TBL1X: variants seen among roughly 807,000 people sequenced by gnomAD.
TBL1X encodes F-box-like/WD repeat-containing protein TBL1X.
Under a neutral mutation model 50.7 loss-of-function variants are expected in TBL1X, and 10 were observed. The observed-to-expected ratio is 0.20, with a 90% confidence interval of 0.12 to 0.33. The LOEUF is 0.33. Ranked by LOEUF, TBL1X falls within the 10% of genes least tolerant of loss-of-function variation. The pLI is 1.00. For missense variants in TBL1X, 340 were observed against 504.4 expected, an observed-to-expected ratio of 0.67 and a Z score of 3.12; for synonymous variants, 190 against 214.7, an observed-to-expected ratio of 0.88 and a Z score of 1.01.
chrX:9,604,303 A>G (rs5978332), intron 2 of TBL1X, among the ~76,000 whole-genome samples: 3,121 of 112,405 alleles, frequency 0.028, 98 homozygotes, highest in African/African-American at 0.095. Context: ...AAAGGGCAAT[A>G]GAACCATGGC....
At chrX:9,533,246 C>T (rs184340899) in intron 2 of TBL1X, among the ~76,000 whole-genome samples, 311 of 111,480 alleles carry the variant, frequency 2.8e-3, no homozygotes, top group African/African-American at 9.8e-3. Context: ...CATAGACGAG[C>T]GCGAACTCCT....
intron 2 of TBL1X, among the ~76,000 whole-genome samples, chrX:9,607,198 A>G (rs1270386991): frequency 1.8e-5 from 2 of 112,533 alleles, no homozygotes; most frequent in Admixed American, 1.9e-4. Context: ...CCTAAGGGCA[A>G]ACGATTTTCT....
rs148991110 is a variant in TBL1X, at chrX:9,514,613, T to C, written c.-131+12764T>C. ...CTTTTGATTAATTACACACTCACAC[T>C]GCGTTGCAAACATAGTGCTGTCAGA... On this transcript the variant is annotated intron_variant, in intron 2 of 17. Transcript: ENST00000645353. 8.2e-3 allele frequency among the ~76,000 whole-genome samples: 918 copies of C among 112,342 alleles called. 16 individuals carry two copies. Among genetic ancestry groups the C allele is most frequent in the African/African-American group, 0.029 (882 of 30,925 alleles).
At chrX:9,520,115 C>T (rs1177177738) in intron 2 of TBL1X, among the ~76,000 whole-genome samples, 1 of 111,758 alleles carries the variant, frequency 8.9e-6, no homozygotes, top group Non-Finnish European at 1.9e-5. Context: ...TTTCATCTGC[C>T]CCTGGTTTCC....
chrX:9,510,016 C>T (rs757549923), intron 2 of TBL1X, among the ~76,000 whole-genome samples: 5 of 111,276 alleles, frequency 4.5e-5, no homozygotes, highest in Non-Finnish European at 9.4e-5. Context: ...AAATGAAGGC[C>T]CAGGAACTGA....
Position 9,687,566 on chromosome X carries a change from C to A in TBL1X, c.358-451C>A, listed in dbSNP as rs995142535. Among the ~76,000 whole-genome samples the A allele has an allele frequency of 2.7e-5, 3 of 111,029 alleles. No homozygotes were observed. The East Asian group carries it at 8.6e-4, about 32-fold the overall frequency. On this transcript the variant is annotated intron_variant, in intron 6 of 17. Coordinates refer to ENST00000645353, the MANE Select transcript of TBL1X (RefSeq NM_005647.4). The stretch of plus-strand genomic sequence containing the variant: ...CTGGGCACTGTTGGATGTTGAGCAG[C>A]GTCCCTGGGCTCCACCCACCAGATG...
chrX:9,616,851 G>A (rs996788937), intron 2 of TBL1X, among the ~76,000 whole-genome samples: 1 of 111,902 alleles, frequency 8.9e-6, no homozygotes, highest in Non-Finnish European at 1.9e-5. Context: ...AGATGATACT[G>A]TTAAATGGAG....
chrX:9,548,543 G>A (rs778868426), intron 2 of TBL1X, among the ~76,000 whole-genome samples: 10 of 112,022 alleles, frequency 8.9e-5, no homozygotes, highest in African/African-American at 2.9e-4. Context: ...AGTTGAGACC[G>A]TCTAGGGAGT....
chrX:9,664,503 C>T (rs147941450), intron 5 of TBL1X, among the ~76,000 whole-genome samples: 19 of 110,775 alleles, frequency 1.7e-4, no homozygotes, highest in Admixed American at 9.5e-5. Context: ...ATTTGTCATA[C>T]GGACATTGCT....
intron 2 of TBL1X, among the ~76,000 whole-genome samples, chrX:9,541,950 T>C (rs1473462417): frequency 1.8e-5 from 2 of 110,122 alleles, no homozygotes; most frequent in African/African-American, 3.3e-5. Context: ...TTCTTTTTTT[T>C]TTTTTTTAAC....
At chrX:9,585,328 A>ACCCCCCCCCCCCCC (rs1262756915) in intron 2 of TBL1X, among the ~76,000 whole-genome samples, 1 of 54,644 alleles carries the variant, frequency 1.8e-5, no homozygotes, top group African/African-American at 7.7e-5. Flanking sequence ...GCTCCATGCC[A>ACCCCCCCCCCCCCC]CCCCCCTCCC....
chrX:9,505,428 A>G (rs749763560), intron 2 of TBL1X, among the ~76,000 whole-genome samples: 1 of 112,259 alleles, frequency 8.9e-6, no homozygotes, highest in South Asian at 3.7e-4. Flanking sequence ...TGATGACAGG[A>G]TCAAATTCAC....
At chrX:9,503,867 TC>T (rs1184411749) in intron 2 of TBL1X, among the ~76,000 whole-genome samples, 1 of 112,477 alleles carries the variant, frequency 8.9e-6, no homozygotes, top group Non-Finnish European at 1.9e-5. Flanking sequence ...TCCTGGTAGT[TC>T]CAAGGAATCT....
At chrX:9,695,442 C>G (rs2083126003) in intron 11 of TBL1X, among the ~76,000 whole-genome samples, 1 of 112,805 alleles carries the variant, frequency 8.9e-6, no homozygotes, top group African/African-American at 3.2e-5. Flanking sequence ...TAGCTACTAT[C>G]AGATCTTTGC....
intron 1 of TBL1X, among the ~76,000 whole-genome samples, chrX:9,468,733 G>GTATA (rs755684601): frequency 1.8e-5 from 2 of 108,631 alleles, no homozygotes; most frequent in African/African-American, 6.7e-5. Context: ...GTGGGTAGGA[G>GTATA]TATATATATA....
chrX:9,702,193 T>C (rs191345974), intron 12 of TBL1X, among the ~76,000 whole-genome samples: 1 of 111,032 alleles, frequency 9.0e-6, no homozygotes, highest in East Asian at 2.8e-4. Context: ...CCCAGCACTT[T>C]GGGAGGCCAA....
chrX:9,475,969 C>T (rs1360474891), intron 1 of TBL1X, among the ~76,000 whole-genome samples: 2 of 112,155 alleles, frequency 1.8e-5, no homozygotes, highest in African/African-American at 6.5e-5. Context: ...TGTAGATTTC[C>T]GTGTACCAGC....
intron 2 of TBL1X, among the ~76,000 whole-genome samples, chrX:9,535,611 A>T (rs1328254325): frequency 2.7e-5 from 3 of 112,418 alleles, no homozygotes; most frequent in Non-Finnish European, 5.6e-5. Flanking sequence ...GTTTTGTGAA[A>T]ATAACCTTGC....
chrX:9,547,813 C>A (rs1488275826), intron 2 of TBL1X, among the ~76,000 whole-genome samples: 4 of 104,484 alleles, frequency 3.8e-5, no homozygotes, highest in Admixed American at 1.1e-4. Flanking sequence ...TCCTTGGGTG[C>A]AGAGACCCAG....
Sources: gnomAD v4.1 joint callset for allele counts (sites outside exome capture counted in the v4.1 genomes callset) on GRCh38, gnomAD v4.1.1 for gene constraint, MANE v1.5 for transcripts, NCBI Gene and HGNC (gene_info 2026-07-23, HGNC 2026-07-21) for gene names.